Variants in HERC2 observed in about 807,000 individuals in gnomAD.
The protein encoded by HERC2 is HECT and RLD domain containing E3 ubiquitin protein ligase 2, also known as E3 ubiquitin-protein ligase HERC2.
A neutral mutation model predicts 537.7 loss-of-function variants in HERC2; 102 were observed. That is an observed-to-expected ratio of 0.19 (90% CI 0.16 to 0.22). The LOEUF is 0.22. Among genes scored for constraint, HERC2 ranks in the 10% least tolerant of loss-of-function variants. HERC2 has a pLI of 1.00. For missense variants in HERC2, 4,236 were observed against 6,198.2 expected (o/e 0.68, Z 10.63); for synonymous variants, 2,224 against 2,466.2 (o/e 0.90, Z 2.91).
rs115030034 is a variant in HERC2, at chr15:28,293,070, A to G, written c.188-48T>C. On this transcript the variant is annotated intron_variant, in intron 3 of 92. Transcript: ENST00000261609. ...ATCTGTCACCGCTTTTCAGAATGCC[A>G]TACCATTAGTCTCTGCAAATGTCCC... 1,136 of 1,568,790 alleles carry G rather than the reference A, an allele frequency of 7.2e-4. 11 individuals carry two copies. In the African/African-American group the frequency reaches 0.014, roughly 19 times the overall value.
intron 5 of HERC2, among the ~76,000 whole-genome samples, chr15:28,275,714 T>A (rs975174378): frequency 6.6e-6 from 1 of 151,500 alleles, no homozygotes; most frequent in African/African-American, 2.4e-5. Flanking sequence ...ACCTGGGGGG[T>A]GCAGCTTGCA....
intron 70 of HERC2, among the ~76,000 whole-genome samples, chr15:28,150,739 A>G (rs1405094685): frequency 1.3e-5 from 2 of 152,212 alleles, no homozygotes; most frequent in African/African-American, 2.4e-5. Flanking sequence ...CGAGAACATC[A>G]CCGAGAATGG....
intron 56 of HERC2, among the ~76,000 whole-genome samples, chr15:28,183,388 T>C (rs964942198): frequency 1.6e-4 from 24 of 152,186 alleles, no homozygotes; most frequent in Non-Finnish European, 1.5e-5. Context: ...TTTTGCATTT[T>C]TTTTTGTAGA....
intron 55 of HERC2, among the ~76,000 whole-genome samples, chr15:28,187,867 T>C (rs553896154): frequency 2.0e-5 from 3 of 152,288 alleles, no homozygotes; most frequent in South Asian, 2.1e-4. Flanking sequence ...CCACACCCCA[T>C]GTGGCCGACT....
At chr15:28,292,101 C>T (rs1457154058) in intron 4 of HERC2, among the ~76,000 whole-genome samples, 2 of 151,098 alleles carry the variant, frequency 1.3e-5, no homozygotes. Flanking sequence ...TGGTGGCGGA[C>T]ACCTGTAATC....
At chr15:28,144,575 T>C (rs1291093050) in intron 72 of HERC2, 98 bp downstream of exon 72, 4 of 1,521,372 alleles carry the variant, frequency 2.6e-6, no homozygotes, top group African/African-American at 2.7e-5. Context: ...GAAGGCAGGC[T>C]GTCAGGCACT....
At chr15:28,316,222 C>CAAAAA (rs869089875) in intron 2 of HERC2, among the ~76,000 whole-genome samples, 7 of 50,558 alleles carry the variant, frequency 1.4e-4, no homozygotes, top group East Asian at 6.4e-4. Flanking sequence ...GACTCTGTCT[C>CAAAAA]AAAAAAAAAA....
At chr15:28,138,261 G>T (rs1217905798) in intron 78 of HERC2, among the ~76,000 whole-genome samples, 1 of 152,164 alleles carries the variant, frequency 6.6e-6, no homozygotes, top group African/African-American at 2.4e-5. Flanking sequence ...AGGTGGCTAC[G>T]CTAAACAACA....
chr15:28,301,727 A>ATG (rs1474477610), intron 2 of HERC2, among the ~76,000 whole-genome samples: 1 of 47,956 alleles, frequency 2.1e-5, no homozygotes, highest in African/African-American at 1.2e-4. Flanking sequence ...CACTAGTTGT[A>ATG]TGTATGTGTA....
chr15:28,201,658 G>A (rs1897923766), intron 47 of HERC2, 104 bp from the exon 48 acceptor site: 2 of 746,188 alleles, frequency 2.7e-6, no homozygotes, highest in African/African-American at 1.8e-5. Flanking sequence ...AGTAGAGGAT[G>A]AAATCCTTTA....
At chr15:28,287,985 A>G (rs73364714) in intron 4 of HERC2, among the ~76,000 whole-genome samples, 12,177 of 151,998 alleles carry the variant, frequency 0.08, 1,665 homozygotes, top group African/African-American at 0.28. Flanking sequence ...CAGCCTCCCA[A>G]AGTGCTGGGA....
chr15:28,172,972 G>A (rs1185430075), intron 65 of HERC2, among the ~76,000 whole-genome samples: 2 of 152,110 alleles, frequency 1.3e-5, no homozygotes, highest in Non-Finnish European at 2.9e-5. Flanking sequence ...CACCAAAAAA[G>A]GTATCTGATT....
intron 4 of HERC2, among the ~76,000 whole-genome samples, chr15:28,282,596 CATAGAAG>C (rs2076047491): frequency 6.6e-6 from 1 of 152,160 alleles, no homozygotes; most frequent in African/African-American, 2.4e-5. Flanking sequence ...GAATCAGTGA[CATAGAAG>C]ATAGAAGTTA....
chr15:28,112,164 C>A (rs1887714111), intron 92 of HERC2, 129 bp from the exon 93 acceptor site: 5 of 870,734 alleles, frequency 5.7e-6, no homozygotes, highest in Non-Finnish European at 8.9e-6. Context: ...AAAACATAAT[C>A]CAAACAACTT....
intron 35 of HERC2, 22 bp downstream of exon 35, chr15:28,228,196 G>A (rs768713734): frequency 1.1e-5 from 18 of 1,603,890 alleles, no homozygotes; most frequent in Non-Finnish European, 1.4e-5. Context: ...TCCCAAAGGC[G>A]CTCAAGCGGG....
At position 28,256,238 on chromosome 15, in the gene HERC2, T is replaced by C. The variant is rs2075257589; in HGVS notation, c.2597A>G (p.Lys866Arg). The C allele has an allele frequency of 1.3e-6, 2 of 1,598,970 alleles. No individual in the cohort carries two copies. The highest frequency in any genetic ancestry group is 1.7e-6 in the Non-Finnish European group (2 of 1,179,850). The change falls in exon 18 of 93, where the codon AAG (lysine) becomes AGG (arginine). Residue 866 changes from lysine (K) to arginine (R), a missense_variant. Coordinates refer to ENST00000261609, the MANE Select transcript of HERC2 (RefSeq NM_004667.6). ...GCTGGCCAGGGTCACCACCGTCTGC[T>C]TCAGGCTGTTCAGGAGGATGCTGCC... ...GLGSILLNSL[K>R]QTVVTLASSA...
In HERC2 at chr15:28,115,479, C is replaced by T. The variant is rs1888127016; in HGVS notation, c.13672G>A (p.Val4558Ile). ...CTCATCCCAGCCAGCTGCTTCCAGA[C>T]AGGCTCGGCAAGGTTGAGGCTCAGG... ...SPLSLNLAEP[V>I]WKQLAGMSLT... The change falls in exon 89 of 93, where the codon GTC becomes ATC. Residue 4558 changes from valine (V) to isoleucine (I), a missense_variant. Physicochemically the swap from Val to Ile is conservative, Grantham distance 29. This residue lies in a region of HERC2 where 313 missense variants were observed against 462.6 expected (regional missense o/e 0.68). Coordinates refer to ENST00000261609, the MANE Select transcript of HERC2 (RefSeq NM_004667.6). 5 of 1,614,026 alleles carry T rather than the reference C, an allele frequency of 3.1e-6. No individual in the cohort carries two copies. The highest frequency in any genetic ancestry group is 4.2e-6 in the Non-Finnish European group (5 of 1,180,008).
intron 16 of HERC2, among the ~76,000 whole-genome samples, chr15:28,258,524 GAA>G (rs1197644268): frequency 1.3e-5 from 2 of 151,966 alleles, no homozygotes; most frequent in East Asian, 3.9e-4. Flanking sequence ...ATTCTCAAGA[GAA>G]ATTATAAAAT....
In HERC2 at chr15:28,257,154, C is replaced by G; in HGVS notation, c.2424G>C (p.Gln808His). ...TFEQLDLLLR[Q>H]VSEGMDGSAD... is the part of the protein sequence containing the mutation. ...CGGAACCATCCATCCCCTCACTCACCTGCCGAAGCAGGAGATCCAGCTGCT... is the reference window on the plus strand; with the variant it reads ...CGGAACCATCCATCCCCTCACTCACGTGCCGAAGCAGGAGATCCAGCTGCT... The change falls in exon 17 of 93, where the codon CAG becomes CAC. Residue 808 changes from glutamine to histidine, a missense_variant. Gln to His is a conservative substitution (Grantham distance 24). Transcript: ENST00000261609. The G allele has an allele frequency of 1.9e-6, 3 of 1,613,936 alleles. No individual in the cohort carries two copies. The South Asian group carries it at 3.3e-5, about 18-fold the overall frequency.
Sources: allele counts gnomAD v4.1 joint callset (sites outside exome capture counted in the v4.1 genomes callset), GRCh38; gene constraint gnomAD v4.1.1; regional missense constraint gnomAD v4.1.1; transcripts MANE v1.5; gene names NCBI Gene and HGNC (gene_info 2026-07-23, HGNC 2026-07-21).